The following PTGER4 variants were observed in gnomAD, a reference collection of about 807,000 sequenced individuals.
PTGER4 encodes the protein prostaglandin E receptor 4.
Under a neutral mutation model 33.2 loss-of-function variants are expected in PTGER4, and 11 were observed. The observed-to-expected ratio is 0.33, with a 90% CI of 0.21 to 0.55. The LOEUF (loss-of-function observed/expected upper bound fraction) is 0.55, where lower values mean the gene tolerates loss of function less well. Among genes scored for constraint, PTGER4 ranks in the 20% least tolerant of loss-of-function variants. The pLI is 0.92. For synonymous variants in PTGER4, 275 were observed against 281.5 expected, an observed-to-expected ratio of 0.98 and a Z score of 0.23; for missense variants, 481 against 650.2, an observed-to-expected ratio of 0.74 and a Z score of 2.83.
chr5:40,692,296 G>A lies in PTGER4; in HGVS notation c.1385G>A (p.Arg462Lys). ...LLVDEAGGSG[R>K]AGPAPKGSSL... ...GTGGATGAGGCTGGTGGGAGCGGCA[G>A]GGCTGGGCCTGCCCCTAAGGGGAGC... The change falls in exon 3 of 3, where the codon AGG becomes AAG. Residue 462 changes from arginine to lysine, a missense_variant. Around this residue, in one of 7 missense-constraint regions of PTGER4, gnomAD observed 172 missense variants for 199.2 expected, o/e 0.86. Transcript: ENST00000302472. The A allele has an allele frequency of 1.2e-6, 2 of 1,613,884 alleles. No individual in the cohort carries two copies. Among genetic ancestry groups the A allele is most frequent in the Non-Finnish European group, 1.7e-6 (2 of 1,179,934 alleles).
At chr5:40,737,058 G>A in the PTGER4 span, among the ~76,000 whole-genome samples, 11 of 152,176 alleles carry the variant, frequency 7.2e-5, no homozygotes, top group Non-Finnish European at 1.2e-4. Flanking sequence ...CACTTTGGGA[G>A]GCCAAGGCAG....
chr5:40,706,648 A>G, the PTGER4 span, among the ~76,000 whole-genome samples: 1 of 152,132 alleles, frequency 6.6e-6, no homozygotes, highest in African/African-American at 2.4e-5. Flanking sequence ...TTTGGGAGTA[A>G]GGACAGGTTT....
the PTGER4 span, among the ~76,000 whole-genome samples, chr5:40,703,823 A>G: frequency 6.9e-6 from 1 of 144,330 alleles, no homozygotes; most frequent in Non-Finnish European, 1.5e-5. Context: ...GAATTGCTTG[A>G]ACCCGGGAAG....
chr5:40,701,794 C>T, the PTGER4 span, among the ~76,000 whole-genome samples: 100 of 152,152 alleles, frequency 6.6e-4, no homozygotes, highest in Non-Finnish European at 2.8e-4. Flanking sequence ...CAGTGCAGGT[C>T]ACCTACAAAG....
At chr5:40,736,359 ATACTTTCCT>A in the PTGER4 span, among the ~76,000 whole-genome samples, 5 of 152,222 alleles carry the variant, frequency 3.3e-5, no homozygotes, top group Admixed American at 6.5e-5. Flanking sequence ...ATTAGTAGGT[ATACTTTCCT>A]AGACAAGAAC....
chr5:40,711,463 G>T, the PTGER4 span, among the ~76,000 whole-genome samples: 1 of 152,072 alleles, frequency 6.6e-6, no homozygotes, highest in African/African-American at 2.4e-5. Context: ...CAGATAATTT[G>T]GAAAAGTTTG....
chr5:40,712,640 A>AAGAGACC, the PTGER4 span, among the ~76,000 whole-genome samples: 1 of 152,216 alleles, frequency 6.6e-6, no homozygotes, highest in South Asian at 2.1e-4. Context: ...TGTAGCTGGC[A>AAGAGACC]AGAGACCACA....
chr5:40,683,479 C>G lies in PTGER4; in HGVS notation c.867+1619C>G, dbSNP rs1424764386. On this transcript the variant is annotated intron_variant, in intron 2 of 2. Transcript: ENST00000302472. This position sits in a 1 kb window ranked among gnomAD's most constrained non-coding sequence, Gnocchi z 4.2. The stretch of plus-strand genomic sequence containing the variant: ...AGATTTTGGAAGAAACAACACTGCT[C>G]CTGATGGGGCCCCTGTTCCTGGGCC... Among the ~76,000 whole-genome samples, 3 of 152,192 alleles carry G rather than the reference C, an allele frequency of 2.0e-5. No homozygotes were observed. Among genetic ancestry groups the G allele is most frequent in the Non-Finnish European group, 4.4e-5 (3 of 68,046 alleles).
At chr5:40,746,033 C>T in the PTGER4 span, among the ~76,000 whole-genome samples, 11 of 152,076 alleles carry the variant, frequency 7.2e-5, no homozygotes, top group Admixed American at 3.9e-4. Context: ...ATTTTTAATC[C>T]CTCCAGGGTC....
rs1358655174 is a variant in PTGER4 at position 40,692,067 on chromosome 5, AAGG to A, written c.1159_1161del (p.Glu387del). ...TCGCTCCTTCATCTCCCGGGAGCTGAAGGAGATCAGCAGTACATCTCAGACCCT... is the reference window on the plus strand; with the variant it reads ...TCGCTCCTTCATCTCCCGGGAGCTGAAGATCAGCAGTACATCTCAGACCCT... On this transcript the variant is annotated inframe_deletion, in exon 3 of 3. Coordinates refer to ENST00000302472, the MANE Select transcript of PTGER4 (RefSeq NM_000958.3). 11 of 1,614,186 alleles carry A rather than the reference AAGG, an allele frequency of 6.8e-6. No homozygotes were observed. The highest frequency in any genetic ancestry group is 1.6e-4 in the Middle Eastern group (1 of 6,062).
At chr5:40,725,784 C>CTTT in the PTGER4 span, among the ~76,000 whole-genome samples, 21 of 126,038 alleles carry the variant, frequency 1.7e-4, 1 homozygote, top group African/African-American at 4.1e-4. Context: ...TTCTCTTCAG[C>CTTT]TTTTTTTTTT....
the PTGER4 span, among the ~76,000 whole-genome samples, chr5:40,706,371 T>C: frequency 1.3e-5 from 2 of 152,112 alleles, no homozygotes; most frequent in Non-Finnish European, 1.5e-5. Flanking sequence ...AAGATAACTA[T>C]TGGGTACCAA....
rs2111813243 is a variant in PTGER4, at chr5:40,691,643, T to C, written c.868-136T>C. 8.0e-7 allele frequency: 1 copy of C among 1,255,074 alleles called. No individual in the cohort carries two copies. The highest frequency in any genetic ancestry group is 1.1e-6 in the Non-Finnish European group (1 of 916,488). The allele number at this position is 1,255,074 out of a possible 1,614,324, so 77.7% of individuals were successfully genotyped here. A position where few individuals can be genotyped will look rare whatever the true frequency, so the allele number is the denominator to read the frequency against. ...TGACTGGTTTTTCTGAGGCTTATTATGTAGCTTCCTCTTTTCCTGGAACTT... is the reference window on the plus strand; with the variant it reads ...TGACTGGTTTTTCTGAGGCTTATTACGTAGCTTCCTCTTTTCCTGGAACTT... On this transcript the variant is annotated intron_variant, in intron 2 of 2. Coordinates refer to ENST00000302472, the MANE Select transcript of PTGER4 (RefSeq NM_000958.3). This position sits in a 1 kb window ranked among gnomAD's most constrained non-coding sequence, Gnocchi z 4.2.
the PTGER4 span, among the ~76,000 whole-genome samples, chr5:40,721,491 G>GTA: frequency 6.6e-6 from 1 of 152,128 alleles, no homozygotes; most frequent in Admixed American, 6.6e-5. Context: ...AGGGCATTAA[G>GTA]TATACATAAT....
chr5:40,738,453 AC>A, the PTGER4 span, among the ~76,000 whole-genome samples: 1 of 90,856 alleles, frequency 1.1e-5, no homozygotes, highest in Non-Finnish European at 2.4e-5. Flanking sequence ...AAAATACAAT[AC>A]AATACAATAC....
At chr5:40,705,228 G>A in the PTGER4 span, among the ~76,000 whole-genome samples, 3 of 152,160 alleles carry the variant, frequency 2.0e-5, no homozygotes, top group African/African-American at 7.2e-5. Flanking sequence ...ATGGGGAAAA[G>A]ACTTCATATT....
At chr5:40,688,376 G>A (rs1741383320) in intron 2 of PTGER4, among the ~76,000 whole-genome samples, 1 of 152,148 alleles carries the variant, frequency 6.6e-6, no homozygotes, top group Non-Finnish European at 1.5e-5. Context: ...CCGGCCGTAG[G>A]TCTTTTCCAG....
chr5:40,724,946 A>G, the PTGER4 span, among the ~76,000 whole-genome samples: 34 of 150,008 alleles, frequency 2.3e-4, no homozygotes, highest in African/African-American at 8.1e-4. Context: ...TCCACCTGCC[A>G]GGTTCAAGAT....
At chr5:40,726,267 C>G in the PTGER4 span, among the ~76,000 whole-genome samples, 1 of 151,300 alleles carries the variant, frequency 6.6e-6, no homozygotes. Context: ...CCAACTCTTA[C>G]AAAGTTTAAA....
Sources: gnomAD v4.1 joint callset for allele counts (sites outside exome capture counted in the v4.1 genomes callset) on GRCh38, gnomAD v4.1.1 for gene constraint, gnomAD v4.1.1 regional missense constraint, Gnocchi (gnomAD v3.1) non-coding constraint, MANE v1.5 for transcripts, NCBI Gene and HGNC (gene_info 2026-07-23, HGNC 2026-07-21) for gene names.